Variants in PSMB7 observed in about 807,000 individuals in gnomAD.
PSMB7 encodes the protein proteasome 20S subunit beta 7, also known as proteasome subunit beta type-7.
PSMB7 carries 5 observed loss-of-function variants against 28.1 expected under a neutral mutation model. The ratio of observed to expected loss-of-function variants is 0.18; its 90% CI spans 0.09 to 0.37. The LOEUF (loss-of-function observed/expected upper bound fraction) is 0.37. PSMB7 is among the 10% of genes least tolerant of loss of function. The pLI, the probability that PSMB7 is intolerant of heterozygous loss-of-function variation, is 1.00. For synonymous variants in PSMB7, 122 were observed against 123.7 expected (o/e 0.99, Z 0.09); for missense variants, 275 against 346.2 (o/e 0.79, Z 1.63).
At chr9:124,360,749 T>C (rs545111487) in intron 6 of PSMB7, among the ~76,000 whole-genome samples, 1 of 152,238 alleles carries the variant, frequency 6.6e-6, no homozygotes, top group Admixed American at 6.5e-5. Flanking sequence ...AGTCTACTAC[T>C]TACTGCTGGG....
intron 5 of PSMB7, among the ~76,000 whole-genome samples, chr9:124,388,787 G>A (rs1275339928): frequency 6.6e-6 from 1 of 152,096 alleles, no homozygotes; most frequent in Non-Finnish European, 1.5e-5. Flanking sequence ...ATCTCACAGA[G>A]CACATGGCAG....
At chr9:124,379,865 C>G (rs1830648051) in intron 6 of PSMB7, among the ~76,000 whole-genome samples, 1 of 152,206 alleles carries the variant, frequency 6.6e-6, no homozygotes. Context: ...CCTTCCATTT[C>G]CCAGGTGGTT....
At chr9:124,382,995 T>C (rs1368485643) in intron 6 of PSMB7, among the ~76,000 whole-genome samples, 2 of 152,246 alleles carry the variant, frequency 1.3e-5, no homozygotes, top group African/African-American at 4.8e-5. Context: ...AAGAAGGGTT[T>C]GGCATTACTG....
Position 124,379,204 on chromosome 9 carries a change from A to T in PSMB7, c.570+5394T>A, listed in dbSNP as rs948000559. 5.9e-5 allele frequency among the ~76,000 whole-genome samples: 9 copies of T among 152,334 alleles called. 1 individual carries two copies. In the South Asian group the frequency reaches 1.4e-3, roughly 25 times the overall value. On this transcript the variant is annotated intron_variant, in intron 6 of 7. Coordinates refer to ENST00000259457, the MANE Select transcript of PSMB7 (RefSeq NM_002799.4). ...TAAGTAATACAATTTTTATACCTTC[A>T]TTTCCATCACAGCTAAGTAGTGTGA...
intron 2 of PSMB7, among the ~76,000 whole-genome samples, chr9:124,414,622 AAAAG>A (rs1222861464): frequency 0.026 from 3,993 of 151,730 alleles, 181 homozygotes; most frequent in African/African-American, 0.092. Context: ...AAAAAAAAAA[AAAAG>A]AAAGAAAGAA....
chr9:124,410,614 G>A (rs1831019130), intron 4 of PSMB7, among the ~76,000 whole-genome samples: 1 of 152,192 alleles, frequency 6.6e-6, no homozygotes, highest in African/African-American at 2.4e-5. Context: ...AATTTGGTTG[G>A]CAATAATTCT....
At chr9:124,369,932 C>A (rs1376871462) in intron 6 of PSMB7, among the ~76,000 whole-genome samples, 2 of 152,212 alleles carry the variant, frequency 1.3e-5, no homozygotes, top group African/African-American at 4.8e-5. Context: ...ATGACATAGT[C>A]CCTGCTTGTG....
intron 6 of PSMB7, among the ~76,000 whole-genome samples, chr9:124,360,778 T>C (rs1029034030): frequency 6.6e-6 from 1 of 152,242 alleles, no homozygotes; most frequent in Non-Finnish European, 1.5e-5. Context: ...GACAAGTCAC[T>C]ACACCTCTCT....
intron 6 of PSMB7, among the ~76,000 whole-genome samples, chr9:124,381,127 G>A (rs896972596): frequency 6.6e-5 from 10 of 152,134 alleles, no homozygotes; most frequent in African/African-American, 2.4e-4. Context: ...TCAAACGCTC[G>A]ATAACCACGT....
At chr9:124,363,170 C>T (rs534048686) in intron 6 of PSMB7, among the ~76,000 whole-genome samples, 2 of 152,230 alleles carry the variant, frequency 1.3e-5, no homozygotes, top group Non-Finnish European at 2.9e-5. Context: ...CTCAAAGACT[C>T]TGAAATCATG....
chr9:124,353,529 A>AT lies in PSMB7; in HGVS notation c.*68dup. 1 of 1,143,812 alleles carries AT rather than the reference A, an allele frequency of 8.7e-7. No homozygotes were observed. Among genetic ancestry groups the AT allele is most frequent in the Non-Finnish European group, 1.3e-6 (1 of 757,296 alleles). 70.9% of individuals were successfully genotyped at this position (1,143,812 alleles called of 1,614,324 possible). A position where few individuals can be genotyped will look rare whatever the true frequency, so the allele number is the denominator to read the frequency against. ...GTTTCATTCGGCAAACACTAGCCACATGAGTGTCTTACTGGGCCTCAATGC... is the reference window on the plus strand; with the variant it reads ...GTTTCATTCGGCAAACACTAGCCACATTGAGTGTCTTACTGGGCCTCAATGC... On this transcript the variant is annotated 3_prime_UTR_variant, in exon 8 of 8. Transcript: ENST00000259457.
At chr9:124,362,131 A>C (rs1830469774) in intron 6 of PSMB7, among the ~76,000 whole-genome samples, 1 of 152,260 alleles carries the variant, frequency 6.6e-6, no homozygotes, top group African/African-American at 2.4e-5. Flanking sequence ...TTTTATACAT[A>C]GCTTTGGAAT....
At chr9:124,355,142 G>A (rs551220572) in intron 7 of PSMB7, among the ~76,000 whole-genome samples, 1 of 152,336 alleles carries the variant, frequency 6.6e-6, no homozygotes, top group East Asian at 1.9e-4. Context: ...AGACAACAGA[G>A]TCCAGGGAGC....
chr9:124,412,557 G>T, intron 3 of PSMB7, 65 bp from the exon 4 acceptor site: 1 of 1,554,076 alleles, frequency 6.4e-7, no homozygotes, highest in Non-Finnish European at 8.8e-7. Flanking sequence ...AGAAGTAATG[G>T]GTTCTTGGAT....
chr9:124,370,314 G>C (rs190226779), intron 6 of PSMB7, among the ~76,000 whole-genome samples: 1 of 146,084 alleles, frequency 6.8e-6, no homozygotes, highest in African/African-American at 2.5e-5. Flanking sequence ...TTTTAGAACT[G>C]TTTTTACTTC....
chr9:124,390,526 T>G (rs1459550035), intron 5 of PSMB7, among the ~76,000 whole-genome samples: 2 of 152,134 alleles, frequency 1.3e-5, no homozygotes, highest in East Asian at 3.9e-4. Flanking sequence ...AAAGTAGAAG[T>G]ACATTTTTTT....
intron 1 of PSMB7, 75 bp from the exon 2 acceptor site, chr9:124,415,010 C>G (rs561831131): frequency 1.0e-6 from 1 of 969,242 alleles, no homozygotes; most frequent in South Asian, 1.5e-5. Context: ...AAGTGCCTAA[C>G]AGAGAACTCA....
rs564560212 is a variant in PSMB7 at position 124,405,189 on chromosome 9, A to G, written c.511+128T>C. 10 of 637,162 alleles carry G rather than the reference A, an allele frequency of 1.6e-5. No individual in the cohort carries two copies. The African/African-American group carries it at 1.8e-4, about 12-fold the overall frequency. The allele number at this position is 637,162 out of a possible 1,614,324, so 39.5% of individuals were successfully genotyped here. On this transcript the variant is annotated intron_variant, in intron 5 of 7. Coordinates refer to ENST00000259457, the MANE Select transcript of PSMB7 (RefSeq NM_002799.4). ...GCCTAATCTATAGTAGGAACTCAGT[A>G]TATATTTGCTGAATGAATCAAAGCA...
intron 4 of PSMB7, among the ~76,000 whole-genome samples, chr9:124,408,062 C>A (rs1830985209): frequency 6.6e-6 from 1 of 152,042 alleles, no homozygotes; most frequent in Admixed American, 6.5e-5. Flanking sequence ...ACTCAGGAGG[C>A]TGAGGCGAGC....
Sources: allele counts gnomAD v4.1 joint callset (sites outside exome capture counted in the v4.1 genomes callset), GRCh38; gene constraint gnomAD v4.1.1; transcripts MANE v1.5; gene names NCBI Gene and HGNC (gene_info 2026-07-23, HGNC 2026-07-21).